The following HS6ST3 variants were observed in gnomAD, a reference collection of about 807,000 sequenced individuals.
HS6ST3 encodes the protein heparan sulfate 6-O-sulfotransferase 3.
HS6ST3 carries 12 observed loss-of-function variants against 36.7 expected under a neutral mutation model. That is an observed-to-expected ratio of 0.33 (90% CI 0.21 to 0.53). The LOEUF (loss-of-function observed/expected upper bound fraction) is 0.53, where lower values mean the gene tolerates loss of function less well. Among genes scored for constraint, HS6ST3 ranks in the 20% least tolerant of loss-of-function variants. The probability of loss-of-function intolerance (pLI) is 0.95; values close to 1 mark genes in which losing one functional copy is unlikely to be tolerated. For synonymous variants in HS6ST3, 240 were observed against 257.5 expected, an observed-to-expected ratio of 0.93 and a Z score of 0.65; for missense variants, 584 against 640.9, an observed-to-expected ratio of 0.91 and a Z score of 0.96.
intron 1 of HS6ST3, among the ~76,000 whole-genome samples, chr13:96,510,260 T>A (rs558513719): frequency 4.9e-4 from 75 of 152,248 alleles, no homozygotes; most frequent in African/African-American, 1.7e-3. Flanking sequence ...TTAATCAATT[T>A]TTTTTATCAA....
intron 1 of HS6ST3, among the ~76,000 whole-genome samples, chr13:96,778,845 T>C (rs377551064): frequency 2.0e-5 from 3 of 152,160 alleles, no homozygotes; most frequent in African/African-American, 4.8e-5. Flanking sequence ...TTATAAATCA[T>C]TGTACTCTAA....
rs959553185 is a variant in HS6ST3 at position 96,464,808 on chromosome 13, A to T, written c.708-367682A>T. 2.6e-5 allele frequency among the ~76,000 whole-genome samples: 4 copies of T among 152,162 alleles called. No individual in the cohort carries two copies. The East Asian group carries it at 7.7e-4, about 29-fold the overall frequency. On this transcript the variant is annotated intron_variant, in intron 1 of 1. Transcript: ENST00000376705. ...CAACCATAACAGTTTTTCTAATCCA[A>T]TCATTGATATATTGATTTTAGATTA...
intron 1 of HS6ST3, among the ~76,000 whole-genome samples, chr13:96,790,560 A>C (rs1260201516): frequency 6.6e-6 from 1 of 152,078 alleles, no homozygotes; most frequent in Non-Finnish European, 1.5e-5. Context: ...TAAGATTCAG[A>C]GTCAACCAAT....
At chr13:96,437,252 T>C (rs2055647512) in intron 1 of HS6ST3, among the ~76,000 whole-genome samples, 1 of 152,220 alleles carries the variant, frequency 6.6e-6, no homozygotes, top group South Asian at 2.1e-4. Flanking sequence ...TAATTTTCTC[T>C]CCTTCCAGGA....
Position 96,258,069 on chromosome 13 carries a change from G to A in HS6ST3, c.707+166500G>A, listed in dbSNP as rs749874561. The stretch of plus-strand genomic sequence containing the variant: ...ATATTAAATTCCACTGGACTTGATG[G>A]CAGTTCAGTACATCAGTTAAATCCA... On this transcript the variant is annotated intron_variant, in intron 1 of 1. Coordinates refer to ENST00000376705, the MANE Select transcript of HS6ST3 (RefSeq NM_153456.4). Among the ~76,000 whole-genome samples the A allele has an allele frequency of 3.3e-5, 5 of 152,132 alleles. No individual in the cohort carries two copies. In the South Asian group the frequency reaches 1.0e-3, roughly 32 times the overall value.
intron 1 of HS6ST3, among the ~76,000 whole-genome samples, chr13:96,455,146 G>C (rs1432235100): frequency 2.0e-5 from 3 of 152,182 alleles, no homozygotes; most frequent in Non-Finnish European, 2.9e-5. Flanking sequence ...GTAAAATTAA[G>C]CAAGGACTCT....
chr13:96,568,382 T>A (rs985059860), intron 1 of HS6ST3, among the ~76,000 whole-genome samples: 5 of 152,196 alleles, frequency 3.3e-5, no homozygotes, highest in African/African-American at 4.8e-5. Context: ...TTCTCCTTCC[T>A]CAGCCTCCTG....
At chr13:96,685,680 A>G (rs1321340436) in intron 1 of HS6ST3, among the ~76,000 whole-genome samples, 1 of 152,078 alleles carries the variant, frequency 6.6e-6, no homozygotes, top group African/African-American at 2.4e-5. Context: ...GACTAATGGA[A>G]AAAGAAGTAG....
At chr13:96,758,501 CATT>C (rs1325024509) in intron 1 of HS6ST3, among the ~76,000 whole-genome samples, 1 of 151,592 alleles carries the variant, frequency 6.6e-6, no homozygotes, top group Non-Finnish European at 1.5e-5. Context: ...GGAAACATAT[CATT>C]GTTATTAAAT....
intron 1 of HS6ST3, among the ~76,000 whole-genome samples, chr13:96,771,421 TA>T (rs1232849362): frequency 6.6e-6 from 1 of 151,642 alleles, no homozygotes; most frequent in Non-Finnish European, 1.5e-5. Context: ...AAAGTATAAT[TA>T]AAAAAAATTA....
At chr13:96,311,806 G>A (rs2054942167) in intron 1 of HS6ST3, among the ~76,000 whole-genome samples, 1 of 152,174 alleles carries the variant, frequency 6.6e-6, no homozygotes, top group African/African-American at 2.4e-5. Flanking sequence ...TCTGGCAACT[G>A]TCTAGCCACC....
intron 1 of HS6ST3, among the ~76,000 whole-genome samples, chr13:96,434,158 A>T (rs2055630292): frequency 6.6e-6 from 1 of 152,082 alleles, no homozygotes; most frequent in South Asian, 2.1e-4. Context: ...AATTGTGAAA[A>T]ATATTATAGA....
At chr13:96,158,035 G>A (rs2054118395) in intron 1 of HS6ST3, among the ~76,000 whole-genome samples, 1 of 152,198 alleles carries the variant, frequency 6.6e-6, no homozygotes, top group Admixed American at 6.5e-5. Flanking sequence ...AGTGGTTTGG[G>A]AACATCGAGG....
intron 1 of HS6ST3, among the ~76,000 whole-genome samples, chr13:96,177,260 C>T (rs1334524404): frequency 6.6e-6 from 1 of 152,180 alleles, no homozygotes; most frequent in African/African-American, 2.4e-5. Flanking sequence ...ACCCAGCAGT[C>T]CCATTACTGG....
chr13:96,623,027 A>G (rs1372307765), intron 1 of HS6ST3, among the ~76,000 whole-genome samples: 1 of 152,156 alleles, frequency 6.6e-6, no homozygotes, highest in African/African-American at 2.4e-5. Flanking sequence ...TCTACATCTC[A>G]TAGTTCTATT....
rs76319850 is a variant in HS6ST3, at chr13:96,225,616, C to G, written c.707+134047C>G. Reference sequence around the variant, plus strand: ...TACATCCATCCCACCTTGCATCAGTCTATGATAGAACATTTTATTTTAATA... The same window carrying G: ...TACATCCATCCCACCTTGCATCAGTGTATGATAGAACATTTTATTTTAATA... On this transcript the variant is annotated intron_variant, in intron 1 of 1. Transcript: ENST00000376705. Among the ~76,000 whole-genome samples the G allele has an allele frequency of 1.3e-4, 20 of 152,266 alleles. 1 individual carries two copies. The East Asian group carries it at 3.7e-3, about 28-fold the overall frequency.
At chr13:96,803,111 G>A (rs1208174001) in intron 1 of HS6ST3, among the ~76,000 whole-genome samples, 1 of 152,088 alleles carries the variant, frequency 6.6e-6, no homozygotes, top group African/African-American at 2.4e-5. Context: ...TCTGGTTGTC[G>A]GAGTTACCCA....
chr13:96,304,711 C>CTTTCT (rs766397124), intron 1 of HS6ST3, among the ~76,000 whole-genome samples: 166 of 89,322 alleles, frequency 1.9e-3, no homozygotes, highest in East Asian at 3.4e-3. Flanking sequence ...TTCTTTCTTT[C>CTTTCT]TTTTTTTTTT....
intron 1 of HS6ST3, among the ~76,000 whole-genome samples, chr13:96,378,213 A>G (rs987078967): frequency 6.6e-6 from 1 of 152,156 alleles, no homozygotes; most frequent in Non-Finnish European, 1.5e-5. Flanking sequence ...AAACACAGCA[A>G]TGAATGAGAT....
Sources: allele counts gnomAD v4.1 joint callset (sites outside exome capture counted in the v4.1 genomes callset), GRCh38; gene constraint gnomAD v4.1.1; transcripts MANE v1.5; gene names NCBI Gene and HGNC (gene_info 2026-07-23, HGNC 2026-07-21).